ASIC3: variants seen among roughly 807,000 people sequenced by gnomAD.
The protein encoded by ASIC3 is acid-sensing ion channel 3.
In ASIC3, 46 loss-of-function variants were observed where a neutral mutation model predicts 58.6. That is an observed-to-expected ratio of 0.79 (90% CI 0.62 to 1.00). The LOEUF (loss-of-function observed/expected upper bound fraction) is 1.00. ASIC3 is among the 50% of genes least tolerant of loss of function. ASIC3 has a pLI of 0.00. For missense variants in ASIC3, 770 were observed against 735.0 expected (o/e 1.05, Z -0.55); for synonymous variants, 336 against 300.2 (o/e 1.12, Z -1.23).
chr7:151,050,984 G>T, intron 4 of ASIC3, 31 bp downstream of exon 4: 2 of 1,613,286 alleles, frequency 1.2e-6, no homozygotes, highest in Non-Finnish European at 1.7e-6. Context: ...TCCCATGGCG[G>T]GCAGGGCCCA....
intron 1 of ASIC3, 110 bp downstream of exon 1, chr7:151,049,529 T>C: frequency 7.5e-7 from 1 of 1,332,578 alleles, no homozygotes; most frequent in Non-Finnish European, 1.0e-6. Context: ...CCAGGGGACC[T>C]CTTCCTTCCT....
chr7:151,051,167 C>A lies in ASIC3; in HGVS notation c.1067-5C>A, dbSNP rs750271120. 1 of 1,594,860 alleles carries A rather than the reference C, an allele frequency of 6.3e-7. No homozygotes were observed. Among genetic ancestry groups the A allele is most frequent in the South Asian group, 1.1e-5 (1 of 89,782 alleles). The stretch of plus-strand genomic sequence containing the variant: ...GGGCGTCTGACGCGGCCCGGTGGCC[C>A]GCAGATGCCATGCTTCGCAAGGACT... On this transcript the variant is annotated splice_polypyrimidine_tract_variant and splice_region_variant and intron_variant, in intron 5 of 10. Transcript: ENST00000349064.
In ASIC3 at chr7:151,050,263, A is replaced by C; in HGVS notation, c.685+7A>C. 6.2e-7 allele frequency: 1 copy of C among 1,609,484 alleles called. No individual in the cohort carries two copies. The highest frequency in any genetic ancestry group is 8.5e-7 in the Non-Finnish European group (1 of 1,176,410). ...CCTGTGTGGAGGGACAATGGTAGGG[A>C]GCACACAAATGAGGCTGGGGGAGGG... On this transcript the variant is annotated splice_region_variant and intron_variant, in intron 2 of 10. Transcript: ENST00000349064.
rs2150359072 is a variant in ASIC3 at position 151,050,880 on chromosome 7, T to C, written c.936T>C (p.Leu312=). The C allele has an allele frequency of 6.2e-7, 1 of 1,613,270 alleles. No homozygotes were observed. Among genetic ancestry groups the C allele is most frequent in the Non-Finnish European group, 8.5e-7 (1 of 1,179,960 alleles). ...PSPSPSPPYT[L]MGCRLACETR... ...CCAGCCCCAGCCCTCCCTATACCCTTATGGGGTGTCGCCTGGCCTGCGAAA... is the reference window on the plus strand; with the variant it reads ...CCAGCCCCAGCCCTCCCTATACCCTCATGGGGTGTCGCCTGGCCTGCGAAA... Residue 312 remains leucine (L), a synonymous_variant, in exon 4 of 11, where the codon CTT becomes CTC. Transcript: ENST00000349064.
intron 6 of ASIC3, 82 bp downstream of exon 6, chr7:151,051,401 A>G: frequency 7.2e-7 from 1 of 1,390,058 alleles, no homozygotes; most frequent in Non-Finnish European, 9.3e-7. Flanking sequence ...CCGTAGCCCT[A>G]GTGCGCACAG....
In ASIC3 at chr7:151,048,747, A is replaced by G. The variant is rs1019433519; in HGVS notation, c.-139A>G. 4.7e-5 allele frequency: 52 copies of G among 1,094,768 alleles called. No homozygotes were observed. Among genetic ancestry groups the G allele is most frequent in the Non-Finnish European group, 6.4e-5 (49 of 761,702 alleles). The allele number at this position is 1,094,768 out of a possible 1,614,324, so 67.8% of individuals were successfully genotyped here. On this transcript the variant is annotated 5_prime_UTR_variant, in exon 1 of 11. Coordinates refer to ENST00000349064, the MANE Select transcript of ASIC3 (RefSeq NM_004769.4). Reference sequence around the variant, plus strand: ...CAGGCTAGTGCCTCCCTGCCTTCCAACCTTGGCTGTCTCCCACCCTCTCTT... The same window carrying G: ...CAGGCTAGTGCCTCCCTGCCTTCCAGCCTTGGCTGTCTCCCACCCTCTCTT...
chr7:151,049,179 C>A lies in ASIC3; in HGVS notation c.294C>A (p.Arg98=), dbSNP rs2117258958. The A allele has an allele frequency of 1.2e-6, 2 of 1,613,694 alleles. No individual in the cohort carries two copies. The highest frequency in any genetic ancestry group is 4.5e-5 in the East Asian group (2 of 44,874). Residue 98 remains arginine (R), a synonymous_variant, in exon 1 of 11, where the codon CGC becomes CGA. Transcript: ENST00000349064. ...CCCTGTGCAACATCAACCCACTGCG[C>A]CGCTCGCGCCTAACGCCCAACGACC... is the stretch of plus-strand genomic sequence containing the variant. ...AVTLCNINPL[R]RSRLTPNDLH...
In ASIC3 at chr7:151,052,280, C is replaced by T; in HGVS notation, c.1458+43C>T. The stretch of plus-strand genomic sequence containing the variant: ...GGAGCCCTTGCCTGCTCCAAGGGTG[C>T]TAGGGCCCACCCCTGAAGCCTAGAC... On this transcript the variant is annotated intron_variant, in intron 9 of 10. Coordinates refer to ENST00000349064, the MANE Select transcript of ASIC3 (RefSeq NM_004769.4). The surrounding 1 kb of genome is among the most constrained non-coding windows in gnomAD (Gnocchi z 5.0). The T allele has an allele frequency of 1.2e-6, 2 of 1,613,594 alleles. No homozygotes were observed. The highest frequency in any genetic ancestry group is 2.2e-5 in the East Asian group (1 of 44,876).
chr7:151,049,927 T>G (rs1386508158), intron 1 of ASIC3, among the ~76,000 whole-genome samples, 179 bp from the exon 2 acceptor site: 2 of 151,948 alleles, frequency 1.3e-5, no homozygotes, highest in Non-Finnish European at 1.5e-5. Flanking sequence ...AGGAGCTGAG[T>G]TGATGGGCTC....
Position 151,049,067 on chromosome 7 carries a change from C to T in ASIC3, c.182C>T (p.Ala61Val). 6.2e-7 allele frequency: 1 copy of T among 1,613,864 alleles called. No homozygotes were observed. ...LSVATFLYQV[A>V]ERVRYYREFH... is the part of the protein sequence containing the mutation. ...GTGGCCACCTTCCTCTACCAGGTGG[C>T]TGAGAGGGTGCGCTACTACAGGGAG... is the stretch of plus-strand genomic sequence containing the variant. Residue 61 changes from alanine (A) to valine (V), a missense_variant, in exon 1 of 11, where the codon GCT (alanine) becomes GTT (valine). Transcript: ENST00000349064.
chr7:151,050,567 TC>T lies in ASIC3; in HGVS notation c.776del (p.Pro259ArgfsTer14). ...PIIDQLGLGV[S>X]PGYQTFVSCQ... is the part of the protein sequence containing the mutation. ...CATCGATCAGCTGGGCTTGGGGGTG[TC>T]CCCGGGCTACCAGACCTTTGTTTCT... On this transcript the variant is annotated frameshift_variant, in exon 3 of 11. Coordinates refer to ENST00000349064, the MANE Select transcript of ASIC3 (RefSeq NM_004769.4). LOFTEE classifies it high-confidence loss of function. The T allele has an allele frequency of 6.2e-7, 1 of 1,613,982 alleles. No individual in the cohort carries two copies. The highest frequency in any genetic ancestry group is 8.5e-7 in the Non-Finnish European group (1 of 1,179,962).
chr7:151,049,457 G>A, intron 1 of ASIC3, 38 bp downstream of exon 1: 1 of 1,539,658 alleles, frequency 6.5e-7, no homozygotes, highest in Non-Finnish European at 8.7e-7. Context: ...CAGGGACCCA[G>A]AGAGCCGACC....
Position 151,049,073 on chromosome 7 carries a change from G to T in ASIC3, c.188G>T (p.Arg63Met). ...ACCTTCCTCTACCAGGTGGCTGAGAGGGTGCGCTACTACAGGGAGTTCCAC... is the reference window on the plus strand; with the variant it reads ...ACCTTCCTCTACCAGGTGGCTGAGATGGTGCGCTACTACAGGGAGTTCCAC... ...VATFLYQVAE[R>M]VRYYREFHHQ... The change falls in exon 1 of 11, where the codon AGG becomes ATG. Residue 63 changes from arginine (R) to methionine (M), a missense_variant. By Grantham distance (91) the Arg-to-Met change is moderately conservative. Coordinates refer to ENST00000349064, the MANE Select transcript of ASIC3 (RefSeq NM_004769.4). 6.2e-7 allele frequency: 1 copy of T among 1,613,728 alleles called. No homozygotes were observed. The highest frequency in any genetic ancestry group is 8.5e-7 in the Non-Finnish European group (1 of 1,179,768).
At position 151,049,242 on chromosome 7, in the gene ASIC3, C is replaced by G; in HGVS notation, c.357C>G (p.Pro119=). The G allele has an allele frequency of 6.2e-7, 1 of 1,612,100 alleles. No individual in the cohort carries two copies. The highest frequency in any genetic ancestry group is 8.5e-7 in the Non-Finnish European group (1 of 1,179,324). ...WAGSALLGLD[P]AEHAAFLRAL... The stretch of plus-strand genomic sequence containing the variant: ...GGTCTGCGCTGCTGGGCCTGGATCC[C>G]GCAGAGCACGCCGCCTTCCTGCGCG... The change falls in exon 1 of 11, where the codon CCC becomes CCG. Residue 119 remains proline, a synonymous_variant. Coordinates refer to ENST00000349064, the MANE Select transcript of ASIC3 (RefSeq NM_004769.4).
chr7:151,048,468 A>G, upstream of ASIC3: 1 of 174,770 alleles, frequency 5.7e-6, no homozygotes, highest in Non-Finnish European at 1.2e-5. Flanking sequence ...GGCCCTAGGG[A>G]CCTCTCCTAC....
rs993299030 is a variant in ASIC3 at position 151,050,357 on chromosome 7, C to G, written c.685+101C>G. 2.8e-5 allele frequency: 44 copies of G among 1,565,528 alleles called. No homozygotes were observed. In the Admixed American group the frequency reaches 7.6e-4, roughly 27 times the overall value. ...GAGGTGTCAGGGTGTTCCCCCAGAA[C>G]CTGTGAAAGGGGCTGGGCTGGCTCA... On this transcript the variant is annotated intron_variant, in intron 2 of 10. Coordinates refer to ENST00000349064, the MANE Select transcript of ASIC3 (RefSeq NM_004769.4).
Position 151,051,902 on chromosome 7 carries a change from G to T in ASIC3, c.1306+1G>T. 2 of 1,613,780 alleles carry T rather than the reference G, an allele frequency of 1.2e-6. No homozygotes were observed. Among genetic ancestry groups the T allele is most frequent in the South Asian group, 1.1e-5 (1 of 91,058 alleles). ...GCCTATGAGATGTCAGAGCTGCTTG[G>T]TGTGTGTGCAGGGCCCCCAGGGCTG... is the stretch of plus-strand genomic sequence containing the variant. On this transcript the variant is annotated splice_donor_variant, in intron 7 of 10. Coordinates refer to ENST00000349064, the MANE Select transcript of ASIC3 (RefSeq NM_004769.4). LOFTEE classifies it high-confidence loss of function.
chr7:151,052,642 C>T lies in ASIC3; in HGVS notation c.1586C>T (p.Thr529Ile), dbSNP rs1424031834. 6.2e-7 allele frequency: 1 copy of T among 1,614,166 alleles called. No individual in the cohort carries two copies. The highest frequency in any genetic ancestry group is 2.2e-5 in the East Asian group (1 of 44,890). ...SASHRTCYLV[T>I]QL The stretch of plus-strand genomic sequence containing the variant: ...TCCCACCGCACCTGCTACCTTGTCA[C>T]ACAGCTCTAGACCTGCTGTCTGTGT... Residue 529 changes from threonine (T) to isoleucine (I), a missense_variant, in exon 11 of 11, where the codon ACA becomes ATA. By Grantham distance (89) the Thr-to-Ile change is moderately conservative. Coordinates refer to ENST00000349064, the MANE Select transcript of ASIC3 (RefSeq NM_004769.4). This position sits in a 1 kb window ranked among gnomAD's most constrained non-coding sequence, Gnocchi z 5.0.
chr7:151,051,102 G>T lies in ASIC3; in HGVS notation c.1066+7G>T. ...TGTGCCCACCCGGCCATAGGTAAGG[G>T]CGAGCCTCCCCCACCTCCCGTCCGC... On this transcript the variant is annotated splice_region_variant and intron_variant, in intron 5 of 10. Transcript: ENST00000349064. 1 of 1,610,520 alleles carries T rather than the reference G, an allele frequency of 6.2e-7. No homozygotes were observed.
Sources: gnomAD v4.1 joint callset for allele counts (sites outside exome capture counted in the v4.1 genomes callset) on GRCh38, gnomAD v4.1.1 for gene constraint, Gnocchi (gnomAD v3.1) non-coding constraint, MANE v1.5 for transcripts, NCBI Gene and HGNC (gene_info 2026-07-23, HGNC 2026-07-21) for gene names.